EYS: variants seen among roughly 807,000 people sequenced by gnomAD.
EYS encodes EGF-like photoreceptor maintenance factor, also known as protein eyes shut homolog.
Under a neutral mutation model 282.1 loss-of-function variants are expected in EYS, and 250 were observed. The ratio of observed to expected loss-of-function variants is 0.89; its 90% CI spans 0.80 to 0.98. The LOEUF is 0.98. Among genes scored for constraint, EYS ranks in the 50% least tolerant of loss-of-function variants. EYS has a pLI of 0.00. For synonymous variants in EYS, 1,355 were observed against 1,282.9 expected (o/e 1.06, Z -1.20); for missense variants, 4,016 against 3,709.0 (o/e 1.08, Z -2.15).
chr6:65,468,258 T>C (rs1350013693), intron 5 of EYS, among the ~76,000 whole-genome samples: 1 of 152,172 alleles, frequency 6.6e-6, no homozygotes, highest in African/African-American at 2.4e-5. Context: ...GTGACACATA[T>C]AACTTATTTT....
chr6:64,518,991 A>G (rs150628429), intron 26 of EYS, among the ~76,000 whole-genome samples: 94 of 151,968 alleles, frequency 6.2e-4, no homozygotes, highest in African/African-American at 2.1e-3. Context: ...ACAGGGAATA[A>G]GAACAAATTT....
chr6:64,770,727 A>ATTC (rs1773500459), intron 22 of EYS, among the ~76,000 whole-genome samples: 1 of 151,940 alleles, frequency 6.6e-6, no homozygotes, highest in Non-Finnish European at 1.5e-5. Context: ...AATTATTATT[A>ATTC]TTAGTAGCAG....
intron 31 of EYS, among the ~76,000 whole-genome samples, chr6:64,177,834 T>C (rs1423783553): frequency 2.6e-5 from 4 of 152,154 alleles, no homozygotes; most frequent in Non-Finnish European, 1.5e-5. Flanking sequence ...ATTTCAGTGA[T>C]TGTCTATGTT....
chr6:64,457,006 T>C (rs1775578783), intron 26 of EYS, among the ~76,000 whole-genome samples: 1 of 152,056 alleles, frequency 6.6e-6, no homozygotes, highest in South Asian at 2.1e-4. Context: ...TAGGTGTTTA[T>C]TGCTACAAAC....
chr6:64,907,526 C>A (rs1182444333), intron 16 of EYS, among the ~76,000 whole-genome samples: 2 of 152,054 alleles, frequency 1.3e-5, no homozygotes, highest in Admixed American at 6.6e-5. Context: ...ATATTGGTAA[C>A]CCAGCTGAGA....
chr6:65,524,029 G>A (rs767507280), intron 2 of EYS, among the ~76,000 whole-genome samples: 74 of 152,138 alleles, frequency 4.9e-4, no homozygotes, highest in Middle Eastern at 3.4e-3. Flanking sequence ...ACAACACCAC[G>A]CCCTGCTAAT....
chr6:65,599,805 G>A (rs564919271), intron 2 of EYS, among the ~76,000 whole-genome samples: 2 of 151,986 alleles, frequency 1.3e-5, no homozygotes, highest in Non-Finnish European at 2.9e-5. Flanking sequence ...AAGGGGTTGG[G>A]GGGATAAATG....
At chr6:65,044,820 G>A (rs527307566) in intron 13 of EYS, among the ~76,000 whole-genome samples, 1 of 151,820 alleles carries the variant, frequency 6.6e-6, no homozygotes, top group Non-Finnish European at 1.5e-5. Context: ...CCTTCCTTAT[G>A]TGGTGTCCTT....
At chr6:64,798,411 T>A (rs147669944) in intron 22 of EYS, among the ~76,000 whole-genome samples, 1 of 151,996 alleles carries the variant, frequency 6.6e-6, no homozygotes, top group East Asian at 1.9e-4. Context: ...CCTTCCCATA[T>A]GTTTTAAGTT....
intron 30 of EYS, among the ~76,000 whole-genome samples, chr6:64,275,079 T>C (rs1334126023): frequency 6.6e-6 from 1 of 152,160 alleles, no homozygotes; most frequent in Non-Finnish European, 1.5e-5. Flanking sequence ...TCCAAATTGG[T>C]GACTGGTAAT....
At chr6:65,326,873 T>C (rs1417659486) in intron 11 of EYS, among the ~76,000 whole-genome samples, 4 of 151,816 alleles carry the variant, frequency 2.6e-5, no homozygotes, top group East Asian at 1.9e-4. Flanking sequence ...TGGAAATCTA[T>C]ACATTTCTTA....
At chr6:65,235,199 G>A (rs752062038) in intron 12 of EYS, among the ~76,000 whole-genome samples, 2 of 152,134 alleles carry the variant, frequency 1.3e-5, no homozygotes, top group African/African-American at 2.4e-5. Context: ...TACAGAGGAT[G>A]TCAAGATTTC....
chr6:65,069,466 A>C (rs961415480), intron 12 of EYS, among the ~76,000 whole-genome samples: 9 of 152,008 alleles, frequency 5.9e-5, no homozygotes, highest in Non-Finnish European at 1.3e-4. Context: ...AGGTAAATCC[A>C]AACTGCGATC....
chr6:64,988,382 T>C (rs9363304), intron 14 of EYS, among the ~76,000 whole-genome samples: 10,241 of 151,282 alleles, frequency 0.068, 439 homozygotes, highest in East Asian at 0.13. Context: ...AATGCTATCA[T>C]GTCAAACAAA....
At chr6:63,991,964 G>A (rs1040915476) in intron 34 of EYS, among the ~76,000 whole-genome samples, 1 of 151,714 alleles carries the variant, frequency 6.6e-6, no homozygotes, top group Non-Finnish European at 1.5e-5. Flanking sequence ...TTTTTTAAAG[G>A]AACCTGCAAA....
At chr6:64,850,501 G>C (rs967022131) in intron 19 of EYS, among the ~76,000 whole-genome samples, 1 of 152,030 alleles carries the variant, frequency 6.6e-6, no homozygotes, top group Non-Finnish European at 1.5e-5. Flanking sequence ...AATAGGGAAA[G>C]AATGAGCCTT....
intron 31 of EYS, among the ~76,000 whole-genome samples, chr6:64,129,847 A>G (rs1773911037): frequency 6.6e-6 from 1 of 152,180 alleles, no homozygotes; most frequent in Non-Finnish European, 1.5e-5. Flanking sequence ...CTTTCTACAT[A>G]TGGCTAGCCA....
At chr6:65,608,933 A>G (rs1480178411) in intron 2 of EYS, among the ~76,000 whole-genome samples, 2 of 152,072 alleles carry the variant, frequency 1.3e-5, no homozygotes, top group African/African-American at 4.8e-5. Context: ...ATCTCCTATG[A>G]TAATAATGCC....
intron 14 of EYS, among the ~76,000 whole-genome samples, chr6:64,966,188 T>C (rs1048981420): frequency 2.0e-5 from 3 of 152,220 alleles, no homozygotes; most frequent in Admixed American, 2.0e-4. Flanking sequence ...CTTTATTATT[T>C]ATATAGATAA....
Sources: gnomAD v4.1 joint callset for allele counts (sites outside exome capture counted in the v4.1 genomes callset) on GRCh38, gnomAD v4.1.1 for gene constraint, MANE v1.5 for transcripts, NCBI Gene and HGNC (gene_info 2026-07-23, HGNC 2026-07-21) for gene names.